Variants in SOD2 observed in about 807,000 individuals in gnomAD.
The protein encoded by SOD2 is superoxide dismutase [Mn], mitochondrial.
SOD2 carries 11 observed loss-of-function variants against 27.0 expected under a neutral mutation model. The observed-to-expected ratio is 0.41, with a 90% CI of 0.26 to 0.67. The LOEUF is 0.67. SOD2 is among the 30% of genes least tolerant of loss of function. The pLI is 0.34. For missense variants in SOD2, 250 were observed against 274.5 expected, an observed-to-expected ratio of 0.91 and a Z score of 0.63; for synonymous variants, 105 against 103.0, an observed-to-expected ratio of 1.02 and a Z score of -0.12.
At chr6:159,742,180 T>C in intron 1 of SOD2, 1 of 1,507,844 alleles carries the variant, frequency 6.6e-7, no homozygotes, top group East Asian at 2.3e-5. Context: ...AAAGACTGAA[T>C]AATCTCCTTT....
intron 1 of SOD2, chr6:159,726,906 C>A (rs947833048): frequency 9.9e-5 from 128 of 1,288,902 alleles, no homozygotes; most frequent in Non-Finnish European, 1.2e-4. Flanking sequence ...CGGCCTCTCT[C>A]TTGAGGTGGC....
At chr6:159,722,456 T>C (rs1185911625) in intron 1 of SOD2, among the ~76,000 whole-genome samples, 1 of 152,174 alleles carries the variant, frequency 6.6e-6, no homozygotes, top group Non-Finnish European at 1.5e-5. Context: ...ATTTTCAGAG[T>C]ATCAAATTGG....
chr6:159,761,985 CG>C (rs762526335), exon 1 of SOD2: 16 of 1,334,772 alleles, frequency 1.2e-5, no homozygotes, highest in Non-Finnish European at 1.3e-5. Context: ...GGGCGAGGGG[CG>C]GGGCTACCTC....
intron 1 of SOD2, chr6:159,755,767 T>G: frequency 2.9e-6 from 1 of 343,092 alleles, no homozygotes. Context: ...TTTCTTTTCT[T>G]TTTTTTTTTT....
chr6:159,739,049 A>C (rs779917184), intron 1 of SOD2: 24 of 1,609,594 alleles, frequency 1.5e-5, no homozygotes, highest in Admixed American at 1.3e-4. Flanking sequence ...TTCTAAGGTA[A>C]AATGTTCTCT....
At chr6:159,692,989 C>A (rs1583022572) in intron 1 of SOD2, 126 bp from the exon 2 acceptor site, 2 of 1,351,292 alleles carry the variant, frequency 1.5e-6, no homozygotes, top group Non-Finnish European at 1.9e-6. Flanking sequence ...CGGATCCCCG[C>A]TCCAGCCGCC....
chr6:159,721,032 GTATTTT>G (rs1272194445), intron 1 of SOD2, among the ~76,000 whole-genome samples: 2 of 136,404 alleles, frequency 1.5e-5, no homozygotes, highest in African/African-American at 2.7e-5. Context: ...TTTTTTTTTT[GTATTTT>G]TATTTTTATT....
Position 159,670,273 on chromosome 6 carries a change from C to G in SOD2, c.*12220G>C, listed in dbSNP as rs928976945. 1 of 152,310 alleles carries G rather than the reference C, an allele frequency of 6.6e-6. No individual in the cohort carries two copies. The highest frequency in any genetic ancestry group is 6.5e-5 in the Admixed American group (1 of 15,282). 9.4% of individuals were successfully genotyped at this position (152,310 alleles called of 1,614,324 possible). On this transcript the variant is annotated 3_prime_UTR_variant, in exon 5 of 5. Transcript: ENST00000538183. ...CCTCCTGCGTTGGCCTCCCAAAGCA[C>G]AGAGATTACAAGTATAGGCCACCAC... is the stretch of plus-strand genomic sequence containing the variant.
At chr6:159,716,980 G>GT (rs1777931996) in intron 1 of SOD2, among the ~76,000 whole-genome samples, 1 of 152,238 alleles carries the variant, frequency 6.6e-6, no homozygotes, top group Non-Finnish European at 1.5e-5. Context: ...GTTGGAAGGA[G>GT]TACAGCAATG....
chr6:159,706,463 C>A (rs576662566), intron 1 of SOD2, among the ~76,000 whole-genome samples: 2 of 152,146 alleles, frequency 1.3e-5, no homozygotes, highest in Non-Finnish European at 2.9e-5. Flanking sequence ...GCAGGCATTG[C>A]AATCCTAGTC....
chr6:159,739,567 G>C (rs1290376693), intron 1 of SOD2, among the ~76,000 whole-genome samples: 1 of 152,164 alleles, frequency 6.6e-6, no homozygotes, highest in Non-Finnish European at 1.5e-5. Flanking sequence ...AATCTTTTTA[G>C]ATTGTGTAAG....
chr6:159,688,102 A>C, intron 3 of SOD2, 24 bp downstream of exon 3: 6 of 1,162,164 alleles, frequency 5.2e-6, no homozygotes, highest in Non-Finnish European at 7.8e-6. Flanking sequence ...AAATGTAGAT[A>C]AGGGTGCACC....
Position 159,759,524 on chromosome 6 carries a change from G to A in SOD2, c.-336+1513C>T, listed in dbSNP as rs148340383. On this transcript the variant is annotated intron_variant, in intron 1 of 7. Coordinates refer to the SOD2 transcript ENST00000546087. ...GTCTTTACTAAAAATATAAAAATTAGCTGGGCATGATGGCACGGGCCTGTA... is the reference window on the plus strand; with the variant it reads ...GTCTTTACTAAAAATATAAAAATTAACTGGGCATGATGGCACGGGCCTGTA... Among the ~76,000 whole-genome samples the A allele has an allele frequency of 5.9e-5, 9 of 151,874 alleles. No homozygotes were observed. In the East Asian group the frequency reaches 1.4e-3, roughly 23 times the overall value.
chr6:159,710,930 C>A (rs1347996068), intron 1 of SOD2, among the ~76,000 whole-genome samples: 1 of 139,632 alleles, frequency 7.2e-6, no homozygotes, highest in Non-Finnish European at 1.6e-5. Context: ...TCACCATAAC[C>A]ACCTCCATAA....
Position 159,755,280 on chromosome 6 carries a change from C to T in SOD2, c.-336+5757G>A, listed in dbSNP as rs762690654. The T allele has an allele frequency of 3.7e-6, 6 of 1,614,178 alleles. No homozygotes were observed. The Admixed American group carries it at 5.0e-5, about 13-fold the overall frequency. Reference sequence around the variant, plus strand: ...AATGGTAGCTCCTCCCGCCAGAGGACGTCTGGGTCTGGATTTCACAGGGAG... The same window carrying T: ...AATGGTAGCTCCTCCCGCCAGAGGATGTCTGGGTCTGGATTTCACAGGGAG... On this transcript the variant is annotated intron_variant, in intron 1 of 7. Coordinates refer to the SOD2 transcript ENST00000546087.
intron 1 of SOD2, among the ~76,000 whole-genome samples, chr6:159,750,603 A>G (rs758077962): frequency 2.0e-5 from 3 of 152,224 alleles, no homozygotes; most frequent in Non-Finnish European, 4.4e-5. Flanking sequence ...CATACCATAA[A>G]CACAGATGAG....
intron 1 of SOD2, chr6:159,760,193 A>G (rs1186153426): frequency 1.3e-5 from 2 of 152,244 alleles, no homozygotes; most frequent in African/African-American, 4.8e-5. Flanking sequence ...AACAGAAGAT[A>G]GTTTCACTGC....
At chr6:159,695,744 C>T (rs546867666), upstream of SOD2, among the ~76,000 whole-genome samples, 107 of 152,180 alleles carry the variant, frequency 7.0e-4, no homozygotes, top group Non-Finnish European at 1.4e-3. Flanking sequence ...GATCCTCCCA[C>T]CTCAGCCTTC....
chr6:159,737,955 C>T (rs1231245482), intron 1 of SOD2, among the ~76,000 whole-genome samples: 3 of 152,156 alleles, frequency 2.0e-5, no homozygotes, highest in South Asian at 2.1e-4. Context: ...AATAAATGTA[C>T]AGAGAGGTTC....
Sources: gnomAD v4.1 joint callset for allele counts (sites outside exome capture counted in the v4.1 genomes callset) on GRCh38, gnomAD v4.1.1 for gene constraint, MANE v1.5 for transcripts, NCBI Gene and HGNC (gene_info 2026-07-23, HGNC 2026-07-21) for gene names.